The following ASIC2 variants were observed in gnomAD, a reference collection of about 807,000 sequenced individuals.
ASIC2 encodes acid sensing ion channel subunit 2.
Under a neutral mutation model 57.3 loss-of-function variants are expected in ASIC2, and 25 were observed. The observed-to-expected ratio is 0.44, with a 90% CI of 0.32 to 0.61. The LOEUF (loss-of-function observed/expected upper bound fraction) is 0.61, where lower values mean the gene tolerates loss of function less well. Among genes scored for constraint, ASIC2 ranks in the 20% least tolerant of loss-of-function variants. The pLI, the probability that ASIC2 is intolerant of heterozygous loss-of-function variation, is 0.06. For missense variants in ASIC2, 641 were observed against 738.1 expected (o/e 0.87, Z 1.52); for synonymous variants, 319 against 307.5 (o/e 1.04, Z -0.39).
chr17:33,228,176 C>T (rs1212914706), intron 1 of ASIC2, among the ~76,000 whole-genome samples: 2 of 152,144 alleles, frequency 1.3e-5, no homozygotes, highest in Non-Finnish European at 2.9e-5. Flanking sequence ...AATTTCAAAA[C>T]CCAGATAGAA....
At chr17:33,491,178 A>G (rs1302369777) in intron 1 of ASIC2, among the ~76,000 whole-genome samples, 1 of 151,986 alleles carries the variant, frequency 6.6e-6, no homozygotes, top group Non-Finnish European at 1.5e-5. Context: ...CAATTCCCAC[A>G]CCCACAGGAC....
intron 1 of ASIC2, among the ~76,000 whole-genome samples, chr17:33,146,243 C>A (rs966125569): frequency 6.6e-6 from 1 of 152,178 alleles, no homozygotes; most frequent in Non-Finnish European, 1.5e-5. Flanking sequence ...AATGAATGAG[C>A]AACTAAATGA....
At chr17:33,443,406 A>ATTTTGTTTTTTTTTTT (rs1911895586) in intron 1 of ASIC2, among the ~76,000 whole-genome samples, 2 of 75,232 alleles carry the variant, frequency 2.7e-5, no homozygotes, top group Non-Finnish European at 4.9e-5. Context: ...GGAGGGTAAG[A>ATTTTGTTTTTTTTTTT]TTTTTTTTTT....
At chr17:34,092,945 A>T (rs867063935) in intron 1 of ASIC2, among the ~76,000 whole-genome samples, 2 of 152,196 alleles carry the variant, frequency 1.3e-5, no homozygotes, top group Non-Finnish European at 2.9e-5. Flanking sequence ...TATCAATGGT[A>T]TCATAAAATA....
chr17:33,539,075 C>T (rs544927745), intron 1 of ASIC2, among the ~76,000 whole-genome samples: 36 of 152,282 alleles, frequency 2.4e-4, no homozygotes, highest in Middle Eastern at 3.4e-3. Context: ...TGATGAGCCA[C>T]GTGGCCTTAG....
At chr17:33,225,224 A>T (rs1907834291) in intron 1 of ASIC2, among the ~76,000 whole-genome samples, 1 of 152,180 alleles carries the variant, frequency 6.6e-6, no homozygotes. Context: ...ATAGCAAGAA[A>T]CTGAAAACAA....
At chr17:33,167,208 G>T (rs1905338541) in intron 1 of ASIC2, among the ~76,000 whole-genome samples, 1 of 151,728 alleles carries the variant, frequency 6.6e-6, no homozygotes, top group South Asian at 2.1e-4. Context: ...CCAGCCCCTG[G>T]TCCCATCAAA....
At chr17:33,302,513 G>A (rs1402829436) in intron 1 of ASIC2, among the ~76,000 whole-genome samples, 2 of 152,134 alleles carry the variant, frequency 1.3e-5, no homozygotes, top group Non-Finnish European at 2.9e-5. Context: ...CAGTGGCTTA[G>A]AGATTTAAGG....
At chr17:33,154,638 G>A (rs905196800) in intron 1 of ASIC2, among the ~76,000 whole-genome samples, 2 of 152,166 alleles carry the variant, frequency 1.3e-5, no homozygotes, top group Non-Finnish European at 2.9e-5. Context: ...TATCCACCAG[G>A]CCTCTTTGGT....
chr17:33,760,344 G>A (rs1910743269), intron 1 of ASIC2, among the ~76,000 whole-genome samples: 1 of 151,868 alleles, frequency 6.6e-6, no homozygotes, highest in African/African-American at 2.4e-5. Context: ...GAACATCACT[G>A]GATTGTCAAC....
intron 1 of ASIC2, among the ~76,000 whole-genome samples, chr17:33,505,268 G>A (rs892771950): frequency 2.6e-5 from 4 of 151,936 alleles, no homozygotes; most frequent in African/African-American, 7.3e-5. Context: ...GAGAACAGAG[G>A]CAAGAGTCCA....
intron 1 of ASIC2, among the ~76,000 whole-genome samples, chr17:33,578,614 C>T (rs144096791): frequency 1.5e-3 from 231 of 152,250 alleles, no homozygotes; most frequent in Non-Finnish European, 2.4e-3. Context: ...GATCTTTATA[C>T]GTTTGGGGTT....
chr17:33,877,856 C>T (rs889653397), intron 1 of ASIC2, among the ~76,000 whole-genome samples: 1 of 152,202 alleles, frequency 6.6e-6, no homozygotes, highest in African/African-American at 2.4e-5. Flanking sequence ...GGAGGCACCC[C>T]CCAGTAGGGG....
chr17:33,161,244 C>T (rs1387875578), intron 1 of ASIC2, among the ~76,000 whole-genome samples: 1 of 152,154 alleles, frequency 6.6e-6, no homozygotes, highest in Non-Finnish European at 1.5e-5. Context: ...TTATAGAGCA[C>T]CTACTGTATG....
intron 1 of ASIC2, among the ~76,000 whole-genome samples, chr17:33,856,890 G>A (rs192586442): frequency 2.4e-4 from 37 of 152,176 alleles, no homozygotes; most frequent in African/African-American, 6.7e-4. Context: ...GCCAGGGGCC[G>A]GGTCTGAAAG....
chr17:33,486,451 A>T (rs1393541788), intron 1 of ASIC2, among the ~76,000 whole-genome samples: 1 of 152,210 alleles, frequency 6.6e-6, no homozygotes. Flanking sequence ...AGCCTGGTAC[A>T]GCACCTGGCA....
At chr17:33,997,859 C>T (rs1906211704) in intron 1 of ASIC2, among the ~76,000 whole-genome samples, 1 of 151,864 alleles carries the variant, frequency 6.6e-6, no homozygotes, top group Admixed American at 6.6e-5. Context: ...TCTTGTTTGG[C>T]TTTGGTATCT....
intron 1 of ASIC2, among the ~76,000 whole-genome samples, chr17:33,368,294 G>A (rs992422231): frequency 6.6e-6 from 1 of 152,220 alleles, no homozygotes; most frequent in East Asian, 1.9e-4. Flanking sequence ...ATGTTGGAGA[G>A]GTGGGATAGA....
intron 1 of ASIC2, among the ~76,000 whole-genome samples, chr17:33,632,788 G>A (rs1906216491): frequency 1.3e-5 from 2 of 152,098 alleles, no homozygotes; most frequent in South Asian, 4.1e-4. Flanking sequence ...GACCAAGCTT[G>A]TCTCTAACCT....
Sources: allele counts gnomAD v4.1 joint callset (sites outside exome capture counted in the v4.1 genomes callset), GRCh38; gene constraint gnomAD v4.1.1; transcripts MANE v1.5; gene names NCBI Gene and HGNC (gene_info 2026-07-23, HGNC 2026-07-21).